The following KYNU variants were observed in gnomAD, a reference collection of about 807,000 sequenced individuals.
The protein encoded by KYNU is kynureninase, also known as L-kynurenine hydrolase.
In KYNU, 54 loss-of-function variants were observed where a neutral mutation model predicts 59.2. The ratio of observed to expected loss-of-function variants is 0.91; its 90% CI spans 0.73 to 1.14. The LOEUF is 1.14. Among genes scored for constraint, KYNU ranks in the 50% most tolerant of loss-of-function variants. The pLI, the probability that KYNU is intolerant of heterozygous loss-of-function variation, is 0.00. For synonymous variants in KYNU, 177 were observed against 192.0 expected (o/e 0.92, Z 0.65); for missense variants, 567 against 554.4 (o/e 1.02, Z -0.23).
chr2:143,029,509 C>A, intron 10 of KYNU, 118 bp from the exon 11 acceptor site: 1 of 711,650 alleles, frequency 1.4e-6, no homozygotes, highest in African/African-American at 1.8e-5. Context: ...TCGCTTGAAC[C>A]CAAGAGGCAG....
intron 4 of KYNU, among the ~76,000 whole-genome samples, chr2:142,939,602 C>CAAAAAAAAA (rs71301737): frequency 1.8e-3 from 118 of 64,806 alleles, no homozygotes; most frequent in Non-Finnish European, 2.0e-3. Flanking sequence ...CTCCATCTCA[C>CAAAAAAAAA]AAAAAAAAAA....
intron 1 of KYNU, among the ~76,000 whole-genome samples, chr2:142,882,036 A>G (rs1422598527): frequency 6.6e-6 from 1 of 150,858 alleles, no homozygotes. Context: ...ACAGGTGTGA[A>G]CCACCACAAC....
At chr2:143,016,851 T>C (rs997231477) in intron 10 of KYNU, among the ~76,000 whole-genome samples, 6 of 152,188 alleles carry the variant, frequency 3.9e-5, no homozygotes, top group African/African-American at 1.2e-4. Flanking sequence ...ACCTAGGTAC[T>C]GAGCACAGTA....
rs887703573 is a variant in KYNU, at chr2:143,048,432, G to A, written c.*6260G>A. The A allele has an allele frequency of 1.3e-5, 2 of 151,822 alleles. No individual in the cohort carries two copies. The highest frequency in any genetic ancestry group is 4.8e-5 in the African/African-American group (2 of 41,336). 9.4% of individuals were successfully genotyped at this position (151,822 alleles called of 1,614,324 possible). ...TTATACACTATTGCTATTCATTATA[G>A]CATTTTTAGTCTAGCTTCCTCCCTC... On this transcript the variant is annotated 3_prime_UTR_variant, in exon 14 of 14. Transcript: ENST00000264170.
intron 12 of KYNU, among the ~76,000 whole-genome samples, chr2:143,039,199 T>G (rs1327009291): frequency 3.9e-5 from 6 of 152,152 alleles, no homozygotes; most frequent in Non-Finnish European, 8.8e-5. Flanking sequence ...AAATGCATTA[T>G]CTAATATTAT....
chr2:143,012,685 C>T (rs1686144210), intron 10 of KYNU, among the ~76,000 whole-genome samples: 1 of 152,054 alleles, frequency 6.6e-6, no homozygotes, highest in Non-Finnish European at 1.5e-5. Flanking sequence ...CACCTTCATG[C>T]AGTTACCCAT....
In KYNU at chr2:142,962,973, A is replaced by G. The variant is rs1684399362; in HGVS notation, c.729+2203A>G. ...ATAGGAAATTCTAAGAACAAAGGGC[A>G]TGACACAGTCACTGGTAGATTTGGA... On this transcript the variant is annotated intron_variant, in intron 8 of 13. Coordinates refer to ENST00000264170, the MANE Select transcript of KYNU (RefSeq NM_003937.3). Among the ~76,000 whole-genome samples, 6 of 152,316 alleles carry G rather than the reference A, an allele frequency of 3.9e-5. No homozygotes were observed. In the South Asian group the frequency reaches 1.2e-3, roughly 32 times the overall value.
At chr2:142,976,668 T>C (rs530615103) in intron 8 of KYNU, among the ~76,000 whole-genome samples, 1 of 152,304 alleles carries the variant, frequency 6.6e-6, no homozygotes, top group Admixed American at 6.5e-5. Context: ...CAAAAGTATC[T>C]GAGACAGGTC....
At position 143,014,929 on chromosome 2, in the gene KYNU, C is replaced by T. The variant is rs549097057; in HGVS notation, c.903-14698C>T. Among the ~76,000 whole-genome samples the T allele has an allele frequency of 5.9e-5, 9 of 152,206 alleles. No individual in the cohort carries two copies. The South Asian group carries it at 1.9e-3, about 32-fold the overall frequency. ...TTCGTTTAGAGACAGGGTCTGGCTC[C>T]GTCACCCAGGCCGGAGTGCAGTGGC... is the stretch of plus-strand genomic sequence containing the variant. On this transcript the variant is annotated intron_variant, in intron 10 of 13. Coordinates refer to ENST00000264170, the MANE Select transcript of KYNU (RefSeq NM_003937.3).
chr2:142,910,422 A>G (rs1432388962), intron 2 of KYNU, among the ~76,000 whole-genome samples: 1 of 151,696 alleles, frequency 6.6e-6, no homozygotes, highest in Non-Finnish European at 1.5e-5. Context: ...TAATGGGGTT[A>G]TTTGTTTCTC....
At chr2:142,948,630 T>C (rs1242002377) in intron 4 of KYNU, among the ~76,000 whole-genome samples, 1 of 151,860 alleles carries the variant, frequency 6.6e-6, no homozygotes, top group Non-Finnish European at 1.5e-5. Context: ...TCATGAGACT[T>C]ATTTACTATC....
At chr2:142,909,796 A>G (rs1682419299) in intron 2 of KYNU, among the ~76,000 whole-genome samples, 2 of 152,108 alleles carry the variant, frequency 1.3e-5, no homozygotes, top group African/African-American at 4.8e-5. Context: ...AGAACAATGT[A>G]TTTTTCTTTA....
At chr2:142,919,959 C>T (rs1398094308) in intron 3 of KYNU, among the ~76,000 whole-genome samples, 2 of 152,122 alleles carry the variant, frequency 1.3e-5, no homozygotes, top group East Asian at 1.9e-4. Context: ...GTAATCTCAG[C>T]TATTCAGGAG....
At chr2:142,912,449 G>A (rs112697954) in intron 2 of KYNU, among the ~76,000 whole-genome samples, 2,841 of 138,852 alleles carry the variant, frequency 0.02, 102 homozygotes, top group East Asian at 0.17. Context: ...GTGCGATCTC[G>A]GCTCACCACA....
At chr2:142,953,670 A>T (rs991826928) in intron 4 of KYNU, among the ~76,000 whole-genome samples, 1 of 152,184 alleles carries the variant, frequency 6.6e-6, no homozygotes, top group Non-Finnish European at 1.5e-5. Flanking sequence ...GTTAGATATT[A>T]TTCACCTTAC....
chr2:143,004,998 A>G (rs528657091), intron 10 of KYNU, among the ~76,000 whole-genome samples: 1 of 152,352 alleles, frequency 6.6e-6, no homozygotes, highest in South Asian at 2.1e-4. Flanking sequence ...TTTTCTCTAA[A>G]TAAAAACCAA....
intron 2 of KYNU, among the ~76,000 whole-genome samples, chr2:142,905,657 G>T (rs1682267276): frequency 6.6e-6 from 1 of 152,214 alleles, no homozygotes; most frequent in African/African-American, 2.4e-5. Context: ...CTCTGAACTG[G>T]TTATGTGTGC....
At chr2:142,979,198 A>G (rs928933005) in intron 8 of KYNU, among the ~76,000 whole-genome samples, 7 of 152,174 alleles carry the variant, frequency 4.6e-5, no homozygotes, top group Non-Finnish European at 1.5e-5. Flanking sequence ...CTCAACTACT[A>G]TTTTGCCCAA....
chr2:142,895,840 A>C (rs1471465358), intron 2 of KYNU, among the ~76,000 whole-genome samples: 1 of 152,098 alleles, frequency 6.6e-6, no homozygotes, highest in Non-Finnish European at 1.5e-5. Context: ...GTGCACCACC[A>C]CACCAGTCTC....
Sources: allele counts gnomAD v4.1 joint callset (sites outside exome capture counted in the v4.1 genomes callset), GRCh38; gene constraint gnomAD v4.1.1; transcripts MANE v1.5; gene names NCBI Gene and HGNC (gene_info 2026-07-23, HGNC 2026-07-21).